Variants in GCLC observed in about 807,000 individuals in gnomAD.
GCLC encodes the protein glutamate-cysteine ligase catalytic subunit, also known as glutamate--cysteine ligase catalytic subunit.
In GCLC, 30 loss-of-function variants were observed where a neutral mutation model predicts 81.5. The ratio of observed to expected loss-of-function variants is 0.37; its 90% confidence interval spans 0.28 to 0.50. GCLC has a LOEUF of 0.50. Ranked by LOEUF, GCLC falls within the 20% of genes least tolerant of loss-of-function variation. The pLI, the probability that GCLC is intolerant of heterozygous loss-of-function variation, is 0.96. For missense variants in GCLC, 556 were observed against 777.4 expected, an observed-to-expected ratio of 0.72 and a Z score of 3.39; for synonymous variants, 262 against 273.3, an observed-to-expected ratio of 0.96 and a Z score of 0.41.
chr6:53,531,149 G>C (rs1581746316), intron 1 of GCLC, among the ~76,000 whole-genome samples: 1 of 152,162 alleles, frequency 6.6e-6, no homozygotes, highest in East Asian at 1.9e-4. Context: ...AGGGGTTAGT[G>C]GTTACTATTT....
Position 53,545,009 on chromosome 6 carries a change from C to G in GCLC, c.-364G>C, listed in dbSNP as rs1561956082. On this transcript the variant is annotated 5_prime_UTR_variant, in exon 1 of 16. Transcript: ENST00000650454. ...CGCGGCGGCTCCCGCTTCTCTTTGCCGGTCTGGTGCACTGGCTTCTTCCTA... is the reference window on the plus strand; with the variant it reads ...CGCGGCGGCTCCCGCTTCTCTTTGCGGGTCTGGTGCACTGGCTTCTTCCTA... 1.7e-5 allele frequency: 3 copies of G among 173,600 alleles called. No individual in the cohort carries two copies. Among genetic ancestry groups the G allele is most frequent in the East Asian group, 1.5e-4 (1 of 6,458 alleles). 10.8% of individuals were successfully genotyped at this position (173,600 alleles called of 1,614,324 possible).
chr6:53,540,802 T>G (rs1214049055), intron 1 of GCLC, among the ~76,000 whole-genome samples: 1 of 152,034 alleles, frequency 6.6e-6, no homozygotes, highest in Non-Finnish European at 1.5e-5. Context: ...GGTGATTAGA[T>G]TCACATGATG....
Position 53,528,374 on chromosome 6 carries a change from G to C in GCLC, c.151-5847C>G, listed in dbSNP as rs532034117. Among the ~76,000 whole-genome samples the C allele has an allele frequency of 3.9e-5, 6 of 152,250 alleles. No individual in the cohort carries two copies. The East Asian group carries it at 9.7e-4, about 25-fold the overall frequency. ...CCAAGCACTTTTAGGGGACCAGTAA[G>C]TACAAAGTAGAAACTGTATGTGCTT... On this transcript the variant is annotated intron_variant, in intron 1 of 15. Coordinates refer to ENST00000650454, the MANE Select transcript of GCLC (RefSeq NM_001498.4).
intron 6 of GCLC, among the ~76,000 whole-genome samples, chr6:53,512,432 A>G (rs1175021652): frequency 6.6e-6 from 1 of 152,036 alleles, no homozygotes; most frequent in Non-Finnish European, 1.5e-5. Flanking sequence ...ATGATACATA[A>G]TAGATGTACA....
chr6:53,527,635 C>T (rs927955298), intron 1 of GCLC, among the ~76,000 whole-genome samples: 14 of 152,188 alleles, frequency 9.2e-5, no homozygotes, highest in African/African-American at 2.9e-4. Flanking sequence ...GCCAATAACA[C>T]GCTATTGCTG....
chr6:53,533,302 T>G (rs1763202854), intron 1 of GCLC, among the ~76,000 whole-genome samples: 1 of 152,210 alleles, frequency 6.6e-6, no homozygotes, highest in Non-Finnish European at 1.5e-5. Flanking sequence ...GTGGCATTTA[T>G]TTTGATCTGA....
At chr6:53,513,874 C>G (rs1764805774) in intron 6 of GCLC, 2 of 300,736 alleles carry the variant, frequency 6.7e-6, no homozygotes, top group Non-Finnish European at 1.3e-5. Context: ...ACTAGCCTGT[C>G]ACGAGATGGC....
chr6:53,499,417 T>C (rs553388869), intron 15 of GCLC, among the ~76,000 whole-genome samples: 1 of 152,220 alleles, frequency 6.6e-6, no homozygotes, highest in Admixed American at 6.5e-5. Context: ...GTGAATGAAG[T>C]GGGAAATTGG....
At chr6:53,543,086 G>A (rs527541879) in intron 1 of GCLC, among the ~76,000 whole-genome samples, 1 of 152,180 alleles carries the variant, frequency 6.6e-6, no homozygotes, top group African/African-American at 2.4e-5. Flanking sequence ...GTGGGAACTT[G>A]AAATAGTAGT....
At position 53,507,095 on chromosome 6, in the gene GCLC, C is replaced by A; in HGVS notation, c.1085-70G>T. The A allele has an allele frequency of 8.0e-6, 7 of 872,288 alleles. No homozygotes were observed. In the Middle Eastern group the frequency reaches 1.3e-3, roughly 162 times the overall value. 54.0% of individuals were successfully genotyped at this position (872,288 alleles called of 1,614,324 possible). A position where few individuals can be genotyped will look rare whatever the true frequency, so the allele number is the denominator to read the frequency against. Reference sequence around the variant, plus strand: ...ACCACTTCCTCTTAGTCCAGAAAGACGACAGGATAGCTCAGGAAGTTTGAA... The same window carrying A: ...ACCACTTCCTCTTAGTCCAGAAAGAAGACAGGATAGCTCAGGAAGTTTGAA... On this transcript the variant is annotated intron_variant, in intron 9 of 15. Transcript: ENST00000650454.
intron 1 of GCLC, among the ~76,000 whole-genome samples, chr6:53,540,759 C>G (rs1426764325): frequency 6.6e-6 from 1 of 151,644 alleles, no homozygotes; most frequent in Non-Finnish European, 1.5e-5. Flanking sequence ...TGAATCATGA[C>G]CTGCAGTCTG....
chr6:53,513,021 T>A (rs17884062), intron 6 of GCLC: 18 of 152,246 alleles, frequency 1.2e-4, no homozygotes, highest in African/African-American at 4.3e-4. Flanking sequence ...TTATGTTTAT[T>A]TGGAAGTCAC....
In GCLC at chr6:53,514,481, T is replaced by C; in HGVS notation, c.577A>G (p.Ile193Val). 6.2e-7 allele frequency: 1 copy of C among 1,613,264 alleles called. No homozygotes were observed. Among genetic ancestry groups the C allele is most frequent in the South Asian group, 1.1e-5 (1 of 91,070 alleles). Residue 193 changes from isoleucine to valine, a missense_variant, in exon 5 of 16, where the codon ATC becomes GTC. Ile to Val is a conservative substitution (Grantham distance 29, BLOSUM62 3). Coordinates refer to ENST00000650454, the MANE Select transcript of GCLC (RefSeq NM_001498.4). ...ACCTTTTCTCCTCTCCTATGTCGGA[T>C]ATTTCTTGTTAAGGTACTAAAACAG... ...HPRFSTLTRN[I>V]RHRRGEKVVI...
chr6:53,524,377 A>G (rs1460620860), intron 1 of GCLC, among the ~76,000 whole-genome samples: 2 of 152,242 alleles, frequency 1.3e-5, no homozygotes, highest in Non-Finnish European at 2.9e-5. Flanking sequence ...TAAAATTGTT[A>G]TAACCTATAT....
At chr6:53,534,470 G>GAAAAACC (rs1235711004) in intron 1 of GCLC, among the ~76,000 whole-genome samples, 1,831 of 74,158 alleles carry the variant, frequency 0.025, 10 homozygotes, top group Middle Eastern at 0.042. Flanking sequence ...CCTCCTACCT[G>GAAAAACC]AAAAACCAAA....
chr6:53,516,250 TG>T, intron 3 of GCLC, 28 bp from the exon 4 acceptor site: 1 of 1,371,120 alleles, frequency 7.3e-7, no homozygotes, highest in South Asian at 1.2e-5. Context: ...ACTAAATAGA[TG>T]GGATTTGTTT....
At position 53,505,842 on chromosome 6, in the gene GCLC, G is replaced by A. The variant is rs1325229498; in HGVS notation, c.1251C>T (p.Asn417=). ...ATTCTACTCTCCATCCAATGTCTGA[G>A]TTTGGAGGAGGGGGCTTAAATCTCA... is the stretch of plus-strand genomic sequence containing the variant. ...QTMRFKPPPP[N]SDIGWRVEFR... is the part of the protein sequence containing the mutation. Residue 417 remains asparagine, a synonymous_variant, in exon 11 of 16, where the codon AAC becomes AAT. Coordinates refer to ENST00000650454, the MANE Select transcript of GCLC (RefSeq NM_001498.4). 6.2e-6 allele frequency: 10 copies of A among 1,610,858 alleles called. No homozygotes were observed. The highest frequency in any genetic ancestry group is 8.5e-6 in the Non-Finnish European group (10 of 1,177,046).
intron 1 of GCLC, among the ~76,000 whole-genome samples, chr6:53,529,129 A>T (rs974359413): frequency 6.6e-6 from 1 of 152,240 alleles, no homozygotes; most frequent in Non-Finnish European, 1.5e-5. Flanking sequence ...AGAGTAGAAC[A>T]TTTCTCTTAC....
At chr6:53,517,081 T>TTTTC (rs1403899231) in intron 3 of GCLC, among the ~76,000 whole-genome samples, 5 of 87,068 alleles carry the variant, frequency 5.7e-5, no homozygotes, top group East Asian at 8.3e-4. Flanking sequence ...AAAAAAAAAT[T>TTTTC]TTTTTTTTTT....
Sources: gnomAD v4.1 joint callset for allele counts (sites outside exome capture counted in the v4.1 genomes callset) on GRCh38, gnomAD v4.1.1 for gene constraint, MANE v1.5 for transcripts, NCBI Gene and HGNC (gene_info 2026-07-23, HGNC 2026-07-21) for gene names.